The following INSL6 variants were observed in gnomAD, a reference collection of about 807,000 sequenced individuals.
INSL6 encodes the protein insulin-like peptide INSL6.
A neutral mutation model predicts 9.4 loss-of-function variants in INSL6; 16 were observed. That is an observed-to-expected ratio of 1.70 (90% confidence interval 1.15 to 2.59). The LOEUF is 2.59. Among genes scored for constraint, INSL6 ranks in the 30% most tolerant of loss-of-function variants. The probability of loss-of-function intolerance (pLI) is 0.00; values close to 1 mark genes in which losing one functional copy is unlikely to be tolerated. For synonymous variants in INSL6, 154 were observed against 96.9 expected (o/e 1.59, Z -3.46); for missense variants, 391 against 257.3 (o/e 1.52, Z -3.56).
At chr9:5,018,554 C>T in the INSL6 span, among the ~76,000 whole-genome samples, 1 of 152,068 alleles carries the variant, frequency 6.6e-6, no homozygotes, top group African/African-American at 2.4e-5. Context: ...GTCCAGGCTG[C>T]TCTTGAACTC....
the INSL6 span, among the ~76,000 whole-genome samples, chr9:5,036,764 A>G: frequency 6.6e-6 from 1 of 152,230 alleles, no homozygotes; most frequent in South Asian, 2.1e-4. Context: ...AAACCCTAGA[A>G]GAAAACCTAG....
chr9:5,062,990 C>A, the INSL6 span, among the ~76,000 whole-genome samples: 1 of 152,136 alleles, frequency 6.6e-6, no homozygotes, highest in East Asian at 1.9e-4. Flanking sequence ...TTTGTAATCT[C>A]CAAGTCTTTT....
At chr9:5,006,580 A>C in the INSL6 span, among the ~76,000 whole-genome samples, 1 of 152,202 alleles carries the variant, frequency 6.6e-6, no homozygotes, top group African/African-American at 2.4e-5. Context: ...CAGGAAATTT[A>C]CAATCATGGT....
the INSL6 span, among the ~76,000 whole-genome samples, chr9:5,045,346 CA>C: frequency 6.6e-6 from 1 of 152,172 alleles, no homozygotes; most frequent in Middle Eastern, 3.4e-3. Context: ...AGTTTATGAA[CA>C]ACAAAAGGAA....
chr9:5,012,467 C>T, the INSL6 span, among the ~76,000 whole-genome samples: 1 of 152,116 alleles, frequency 6.6e-6, no homozygotes, highest in Admixed American at 6.5e-5. Flanking sequence ...TTAAAAATTA[C>T]TTAAAATTGT....
the INSL6 span, among the ~76,000 whole-genome samples, chr9:5,028,255 G>C: frequency 1.3e-5 from 2 of 152,178 alleles, no homozygotes; most frequent in Non-Finnish European, 2.9e-5. Context: ...CAGAGCTCTT[G>C]GGTGACCAGG....
At chr9:5,009,236 C>T in the INSL6 span, among the ~76,000 whole-genome samples, 6 of 151,988 alleles carry the variant, frequency 3.9e-5, no homozygotes, top group Non-Finnish European at 5.9e-5. Context: ...AAGGAGAGAA[C>T]GATCCATTTA....
chr9:5,102,040 T>C, the INSL6 span, among the ~76,000 whole-genome samples: 6 of 152,162 alleles, frequency 3.9e-5, no homozygotes, highest in African/African-American at 1.4e-4. Context: ...GAGAATGACT[T>C]TGACGAGCTG....
chr9:5,171,848 C>CA (rs887255189), intron 1 of INSL6, among the ~76,000 whole-genome samples: 14 of 150,964 alleles, frequency 9.3e-5, no homozygotes, highest in South Asian at 6.3e-4. Context: ...AGAACACAAA[C>CA]AAAAAAAAAT....
the INSL6 span, among the ~76,000 whole-genome samples, chr9:5,045,861 T>G: frequency 6.6e-6 from 1 of 152,190 alleles, no homozygotes; most frequent in African/African-American, 2.4e-5. Context: ...GGTAAACAAA[T>G]ATTTCCTTGA....
At chr9:5,047,068 A>G in the INSL6 span, among the ~76,000 whole-genome samples, 4 of 152,202 alleles carry the variant, frequency 2.6e-5, no homozygotes, top group Admixed American at 2.6e-4. Context: ...ATTCCACCAT[A>G]TAATTCTAAA....
the INSL6 span, among the ~76,000 whole-genome samples, chr9:5,059,020 G>GA: frequency 5.9e-5 from 9 of 152,098 alleles, no homozygotes; most frequent in African/African-American, 2.2e-4. Flanking sequence ...ATGCGCAGAT[G>GA]TTTTAAAGTT....
intron 3 of INSL6, among the ~76,000 whole-genome samples, chr9:5,129,072 T>C: frequency 6.6e-6 from 1 of 152,066 alleles, no homozygotes; most frequent in Non-Finnish European, 1.5e-5. Flanking sequence ...CTAAGGCTTC[T>C]AGTTTACAGT....
chr9:5,110,856 A>C, the INSL6 span: 8 of 482,378 alleles, frequency 1.7e-5, no homozygotes, highest in Non-Finnish European at 3.2e-5. Flanking sequence ...GGGACGCTTC[A>C]TGCCGCCGCG....
At chr9:5,151,555 A>G (rs972430297) in intron 2 of INSL6, among the ~76,000 whole-genome samples, 2 of 152,180 alleles carry the variant, frequency 1.3e-5, no homozygotes, top group African/African-American at 4.8e-5. Context: ...TAAAGGTCTT[A>G]AACTGCCTGT....
the INSL6 span, chr9:5,091,009 C>G: frequency 4.4e-6 from 4 of 910,392 alleles, no homozygotes; most frequent in Non-Finnish European, 4.9e-6. Flanking sequence ...TTTACAGTAA[C>G]AGTGAACATT....
the INSL6 span, among the ~76,000 whole-genome samples, chr9:5,013,083 G>A: frequency 6.6e-6 from 1 of 152,070 alleles, no homozygotes; most frequent in Non-Finnish European, 1.5e-5. Flanking sequence ...GAAGAATAAA[G>A]GTTGACCAAA....
At chr9:5,130,489 G>T (rs1306511234) in intron 3 of INSL6, among the ~76,000 whole-genome samples, 1 of 152,096 alleles carries the variant, frequency 6.6e-6, no homozygotes, top group East Asian at 1.9e-4. Context: ...CAGATGATAA[G>T]ACTTGTCACA....
At chr9:5,059,973 C>T in the INSL6 span, among the ~76,000 whole-genome samples, 55 of 152,160 alleles carry the variant, frequency 3.6e-4, no homozygotes, top group African/African-American at 1.2e-3. Context: ...TATAGACATA[C>T]GTCAGAGATA....
Sources: gnomAD v4.1 joint callset for allele counts (sites outside exome capture counted in the v4.1 genomes callset) on GRCh38, gnomAD v4.1.1 for gene constraint, MANE v1.5 for transcripts, NCBI Gene and HGNC (gene_info 2026-07-23, HGNC 2026-07-21) for gene names.